The following TMPRSS15 variants were observed in gnomAD, a reference collection of about 807,000 sequenced individuals.
TMPRSS15 encodes enteropeptidase.
TMPRSS15 carries 128 observed loss-of-function variants against 125.3 expected under a neutral mutation model. That is an observed-to-expected ratio of 1.02 (90% CI 0.89 to 1.18). The LOEUF is 1.18. TMPRSS15 is among the 50% of genes most tolerant of loss of function. The probability of loss-of-function intolerance (pLI) is 0.00; values close to 1 mark genes in which losing one functional copy is unlikely to be tolerated. For missense variants in TMPRSS15, 1,283 were observed against 1,212.7 expected, an observed-to-expected ratio of 1.06 and a Z score of -0.86; for synonymous variants, 446 against 423.2, an observed-to-expected ratio of 1.05 and a Z score of -0.66.
chr21:18,441,177 C>T (rs2076240542), intron 1 of TMPRSS15, among the ~76,000 whole-genome samples: 1 of 152,090 alleles, frequency 6.6e-6, no homozygotes, highest in Admixed American at 6.5e-5. Context: ...CCTGTAATCC[C>T]AGCTACTCAG....
chr21:18,288,368 AATGTGTAGAGTGTAC>A (rs1372287784), intron 21 of TMPRSS15, among the ~76,000 whole-genome samples: 1 of 152,110 alleles, frequency 6.6e-6, no homozygotes, highest in African/African-American at 2.4e-5. Context: ...TTAAGAAATT[AATGTGTAGAGTGTAC>A]ATTATTCAGG....
At chr21:18,395,745 G>A (rs77872733) in intron 3 of TMPRSS15, among the ~76,000 whole-genome samples, 5,492 of 151,982 alleles carry the variant, frequency 0.036, 132 homozygotes, top group Non-Finnish European at 0.06. Context: ...AAATATCAAT[G>A]GACAATGTAG....
At chr21:18,356,959 G>C (rs1027012744) in intron 8 of TMPRSS15, among the ~76,000 whole-genome samples, 1 of 151,774 alleles carries the variant, frequency 6.6e-6, no homozygotes, top group East Asian at 1.9e-4. Flanking sequence ...AGTCCTGTGG[G>C]AATGGAATAC....
chr21:18,392,832 AAGAG>A (rs1164936818), intron 3 of TMPRSS15, among the ~76,000 whole-genome samples: 1 of 152,170 alleles, frequency 6.6e-6, no homozygotes, highest in East Asian at 1.9e-4. Flanking sequence ...GGTGGCAGGA[AAGAG>A]AGAGAGTGGG....
intron 1 of TMPRSS15, among the ~76,000 whole-genome samples, chr21:18,429,158 T>G (rs566054211): frequency 6.6e-6 from 1 of 152,298 alleles, no homozygotes; most frequent in East Asian, 1.9e-4. Flanking sequence ...CTAACCACTT[T>G]GTTTTGGCCA....
In TMPRSS15 at chr21:18,320,432, C is replaced by T. The variant is rs60248332; in HGVS notation, c.1922-5176G>A. 8.7e-3 allele frequency among the ~76,000 whole-genome samples: 1,317 copies of T among 152,112 alleles called. 20 individuals are homozygous for T. Among genetic ancestry groups the T allele is most frequent in the African/African-American group, 0.029 (1,202 of 41,536 alleles). ...AATGACAATAATTTAATCTTATATA[C>T]ATTTACTGATAATTTTACCCTTTTA... On this transcript the variant is annotated intron_variant, in intron 16 of 24. Transcript: ENST00000284885.
At chr21:18,433,663 C>CAAAAAAAAAA (rs58432155) in intron 1 of TMPRSS15, among the ~76,000 whole-genome samples, 46 of 62,370 alleles carry the variant, frequency 7.4e-4, no homozygotes, top group East Asian at 1.5e-3. Flanking sequence ...GACCTTGTCT[C>CAAAAAAAAAA]AAAAAAAAAA....
chr21:18,280,987 T>A (rs1321960420), intron 22 of TMPRSS15, 53 bp downstream of exon 22: 17 of 1,560,990 alleles, frequency 1.1e-5, no homozygotes, highest in African/African-American at 2.7e-5. Flanking sequence ...TGAAATCTAG[T>A]TTTGAATTAA....
chr21:18,433,663 CAAAAAAAAAAAA>C (rs58432155), intron 1 of TMPRSS15, among the ~76,000 whole-genome samples: 2 of 62,446 alleles, frequency 3.2e-5, no homozygotes, highest in African/African-American at 6.4e-5. Flanking sequence ...GACCTTGTCT[CAAAAAAAAAAAA>C]AAAAAAAAAA....
intron 6 of TMPRSS15, among the ~76,000 whole-genome samples, chr21:18,367,892 T>C (rs970935529): frequency 6.6e-6 from 1 of 152,124 alleles, no homozygotes; most frequent in East Asian, 1.9e-4. Context: ...CTGTGGTATA[T>C]TGCCTAATAT....
At chr21:18,413,005 T>G (rs998695413) in intron 1 of TMPRSS15, among the ~76,000 whole-genome samples, 1 of 152,210 alleles carries the variant, frequency 6.6e-6, no homozygotes, top group Non-Finnish European at 1.5e-5. Context: ...TCTGTATTCA[T>G]TCTTCCCTTT....
At chr21:18,280,584 A>AAAAAAAAAAAAC (rs2074683051) in intron 22 of TMPRSS15, among the ~76,000 whole-genome samples, 1 of 146,562 alleles carries the variant, frequency 6.8e-6, no homozygotes, top group Non-Finnish European at 1.5e-5. Context: ...TCAAAAAAAA[A>AAAAAAAAAAAAC]AAAAAAAAAA....
intron 13 of TMPRSS15, among the ~76,000 whole-genome samples, chr21:18,338,232 G>A (rs2075411974): frequency 1.3e-5 from 2 of 151,798 alleles, no homozygotes. Flanking sequence ...ATGGTGAGAT[G>A]GTGCTACATT....
At chr21:18,323,049 A>G (rs1343400918) in intron 16 of TMPRSS15, among the ~76,000 whole-genome samples, 1 of 152,196 alleles carries the variant, frequency 6.6e-6, no homozygotes, top group Non-Finnish European at 1.5e-5. Context: ...TGTAACTGTA[A>G]CTTTTGATGG....
intron 16 of TMPRSS15, among the ~76,000 whole-genome samples, chr21:18,320,883 C>A (rs2075226183): frequency 6.6e-6 from 1 of 152,140 alleles, no homozygotes; most frequent in Non-Finnish European, 1.5e-5. Context: ...TAGTTTTATG[C>A]CCATGGTGAG....
intron 6 of TMPRSS15, among the ~76,000 whole-genome samples, chr21:18,371,891 A>T (rs897222092): frequency 6.6e-6 from 1 of 152,070 alleles, no homozygotes; most frequent in South Asian, 2.1e-4. Context: ...AGCAACACCC[A>T]TCCCCACATT....
At chr21:18,420,487 A>G (rs918619959) in intron 1 of TMPRSS15, among the ~76,000 whole-genome samples, 6 of 152,212 alleles carry the variant, frequency 3.9e-5, no homozygotes, top group Admixed American at 1.3e-4. Context: ...GGTTAAATTA[A>G]CCACTAGCCA....
chr21:18,326,385 T>C, intron 16 of TMPRSS15, 47 bp downstream of exon 16: 1 of 1,613,474 alleles, frequency 6.2e-7, no homozygotes, highest in Non-Finnish European at 8.5e-7. Flanking sequence ...ACCTTTGCTG[T>C]TTTGCTCCAA....
chr21:18,353,790 T>A lies in TMPRSS15; in HGVS notation c.954A>T (p.Glu318Asp), dbSNP rs1280142656. 3.7e-6 allele frequency: 6 copies of A among 1,611,808 alleles called. No individual in the cohort carries two copies. The highest frequency in any genetic ancestry group is 5.1e-6 in the Non-Finnish European group (6 of 1,178,518). ...AGCCAACATAATCACTTTCATCAGA[T>A]TCTATAAGAAAGGTGGCAGTAACTT... Reference protein sequence around the residue: ...SNQVTATFLIESDESDYVGFN... With the variant: ...SNQVTATFLIDSDESDYVGFN... Residue 318 changes from glutamate to aspartate, a missense_variant, in exon 9 of 25, where the codon GAA (glutamate) becomes GAT (aspartate). Coordinates refer to ENST00000284885, the MANE Select transcript of TMPRSS15 (RefSeq NM_002772.3).
Sources: gnomAD v4.1 joint callset for allele counts (sites outside exome capture counted in the v4.1 genomes callset) on GRCh38, gnomAD v4.1.1 for gene constraint, MANE v1.5 for transcripts, NCBI Gene and HGNC (gene_info 2026-07-23, HGNC 2026-07-21) for gene names.